The following STK31 variants were observed in gnomAD, a reference collection of about 807,000 sequenced individuals.
The protein encoded by STK31 is serine/threonine-protein kinase 31.
STK31 carries 89 observed loss-of-function variants against 129.7 expected under a neutral mutation model. That is an observed-to-expected ratio of 0.69 (90% CI 0.58 to 0.82). The LOEUF (loss-of-function observed/expected upper bound fraction) is 0.82. STK31 is among the 40% of genes least tolerant of loss of function. The pLI is 0.00. For synonymous variants in STK31, 448 were observed against 395.3 expected (o/e 1.13, Z -1.58); for missense variants, 1,187 against 1,176.4 (o/e 1.01, Z -0.13).
chr7:23,815,191 CA>C lies in STK31; in HGVS notation c.2811del (p.Val938TrpfsTer17). ...EFEINKDGIP[K>X]VDQFHLDDKV... ...TTGAGATAAATAAAGATGGAATCCC[CA>C]AAGTGGATCAGTTTCATCTGGTATG... On this transcript the variant is annotated frameshift_variant, in exon 23 of 24. Coordinates refer to ENST00000355870, the MANE Select transcript of STK31 (RefSeq NM_031414.5). LOFTEE classifies it high-confidence loss of function. 1 of 1,593,804 alleles carries C rather than the reference CA, an allele frequency of 6.3e-7. No homozygotes were observed. The highest frequency in any genetic ancestry group is 8.5e-7 in the Non-Finnish European group (1 of 1,170,934).
rs578064652 is a variant in STK31 at position 23,735,195 on chromosome 7, C to T, written c.484-343C>T. Reference sequence around the variant, plus strand: ...TAGATATCAGAGATTCATTTTTATGCGCTATTGCTTTTCAGGAGACCATTA... The same window carrying T: ...TAGATATCAGAGATTCATTTTTATGTGCTATTGCTTTTCAGGAGACCATTA... On this transcript the variant is annotated intron_variant, in intron 6 of 23. Coordinates refer to ENST00000355870, the MANE Select transcript of STK31 (RefSeq NM_031414.5). Among the ~76,000 whole-genome samples, 7 of 152,004 alleles carry T rather than the reference C, an allele frequency of 4.6e-5. No homozygotes were observed. In the South Asian group the frequency reaches 1.0e-3, roughly 23 times the overall value.
chr7:23,737,803 A>G (rs2128081833), intron 8 of STK31, among the ~76,000 whole-genome samples: 1 of 152,076 alleles, frequency 6.6e-6, no homozygotes, highest in Middle Eastern at 3.4e-3. Context: ...ACGTCTCCAG[A>G]TTTGCTCAGA....
chr7:23,710,804 T>G, intron 1 of STK31: 1 of 1,011,516 alleles, frequency 9.9e-7, no homozygotes, highest in East Asian at 9.1e-5. Context: ...TAAAAACTAC[T>G]CTAGAAGTAG....
At chr7:23,711,931 A>G (rs1785991914) in intron 1 of STK31, among the ~76,000 whole-genome samples, 168 bp from the exon 2 acceptor site, 1 of 140,422 alleles carries the variant, frequency 7.1e-6, no homozygotes, top group South Asian at 2.4e-4. Flanking sequence ...AAAATACTCA[A>G]AAGAATTAGT....
At chr7:23,776,812 T>C (rs1352670917) in intron 15 of STK31, among the ~76,000 whole-genome samples, 1 of 152,176 alleles carries the variant, frequency 6.6e-6, no homozygotes, top group Non-Finnish European at 1.5e-5. Context: ...TTTTCATGTC[T>C]CTATCTCCTC....
Position 23,712,227 on chromosome 7 carries a change from AT to A in STK31, c.98-3del. 3.7e-6 allele frequency: 6 copies of A among 1,614,022 alleles called. No individual in the cohort carries two copies. Among genetic ancestry groups the A allele is most frequent in the Non-Finnish European group, 5.1e-6 (6 of 1,179,954 alleles). Reference sequence around the variant, plus strand: ...CTAATTTTCCTTGTATTGTGATTTGATTTTAGTGGAAGATGTGGTTGGAAGT... The same window carrying A: ...CTAATTTTCCTTGTATTGTGATTTGATTTAGTGGAAGATGTGGTTGGAAGT... On this transcript the variant is annotated splice_polypyrimidine_tract_variant and splice_region_variant and intron_variant, in intron 2 of 23. Coordinates refer to ENST00000355870, the MANE Select transcript of STK31 (RefSeq NM_031414.5).
chr7:23,767,840 A>G (rs78846887), intron 11 of STK31, among the ~76,000 whole-genome samples: 50 of 152,222 alleles, frequency 3.3e-4, no homozygotes, highest in African/African-American at 8.2e-4. Flanking sequence ...TGTTAATTCA[A>G]TGCTAAACAC....
At chr7:23,752,958 A>G in intron 9 of STK31, 126 bp downstream of exon 9, 1 of 637,570 alleles carries the variant, frequency 1.6e-6, no homozygotes, top group Non-Finnish European at 2.7e-6. Flanking sequence ...ATGACTTCAA[A>G]GAGAGAAAGA....
chr7:23,764,138 G>A (rs1231858441), intron 11 of STK31, among the ~76,000 whole-genome samples: 1 of 152,196 alleles, frequency 6.6e-6, no homozygotes, highest in Admixed American at 6.5e-5. Context: ...TGCATAAATA[G>A]TATAAGTTCT....
At chr7:23,809,074 C>G (rs1269902084) in intron 22 of STK31, among the ~76,000 whole-genome samples, 1 of 151,756 alleles carries the variant, frequency 6.6e-6, no homozygotes, top group Non-Finnish European at 1.5e-5. Flanking sequence ...TATATTGTTC[C>G]TCAAGTGGCA....
At chr7:23,763,456 G>A (rs1425581575) in intron 11 of STK31, among the ~76,000 whole-genome samples, 1 of 152,168 alleles carries the variant, frequency 6.6e-6, no homozygotes, top group Non-Finnish European at 1.5e-5. Context: ...ACAGTGTTAA[G>A]TAATTTCACC....
intron 3 of STK31, among the ~76,000 whole-genome samples, chr7:23,715,841 A>C (rs1050149056): frequency 2.6e-5 from 4 of 151,972 alleles, no homozygotes; most frequent in African/African-American, 7.3e-5. Flanking sequence ...TTTTGTTGGT[A>C]TATTTCTTTA....
chr7:23,829,169 C>T (rs1244471386), intron 23 of STK31, among the ~76,000 whole-genome samples: 2 of 152,006 alleles, frequency 1.3e-5, no homozygotes, highest in African/African-American at 4.8e-5. Flanking sequence ...CCTCGGCCTC[C>T]CAAAGTGATG....
At chr7:23,783,714 G>C in intron 17 of STK31, 51 bp downstream of exon 17, 1 of 1,397,026 alleles carries the variant, frequency 7.2e-7, no homozygotes, top group Non-Finnish European at 9.9e-7. Flanking sequence ...GTGTTGAAAA[G>C]TGATAATATT....
chr7:23,800,981 A>C (rs1490761381), intron 22 of STK31, among the ~76,000 whole-genome samples: 1 of 152,156 alleles, frequency 6.6e-6, no homozygotes, highest in Non-Finnish European at 1.5e-5. Context: ...CATTGTTTCC[A>C]GTGTCTGACT....
intron 21 of STK31, among the ~76,000 whole-genome samples, chr7:23,790,121 G>A (rs1791528763): frequency 6.6e-6 from 1 of 152,118 alleles, no homozygotes; most frequent in Non-Finnish European, 1.5e-5. Flanking sequence ...ACCATACTTT[G>A]AGAAGCAAGG....
intron 4 of STK31, 30 bp from the exon 5 acceptor site, chr7:23,727,211 A>G: frequency 6.3e-7 from 1 of 1,593,788 alleles, no homozygotes; most frequent in Non-Finnish European, 8.6e-7. Context: ...TTTAAATGCC[A>G]AGTAATTTTG....
chr7:23,824,511 G>A (rs1280646850), intron 23 of STK31, among the ~76,000 whole-genome samples: 1 of 152,026 alleles, frequency 6.6e-6, no homozygotes, highest in Admixed American at 6.6e-5. Flanking sequence ...GAGATGATGG[G>A]GTTTTCTAGA....
chr7:23,820,983 G>GTGC (rs562219916), intron 23 of STK31, among the ~76,000 whole-genome samples: 1 of 152,086 alleles, frequency 6.6e-6, no homozygotes, highest in Non-Finnish European at 1.5e-5. Flanking sequence ...ATTGTGAATA[G>GTGC]TGCTGCAGTA....
Sources: gnomAD v4.1 joint callset for allele counts (sites outside exome capture counted in the v4.1 genomes callset) on GRCh38, gnomAD v4.1.1 for gene constraint, MANE v1.5 for transcripts, NCBI Gene and HGNC (gene_info 2026-07-23, HGNC 2026-07-21) for gene names.